The following SNTB1 variants were observed in gnomAD, a reference collection of about 807,000 sequenced individuals.
The protein encoded by SNTB1 is syntrophin beta 1, also known as beta-1-syntrophin.
In SNTB1, 36 loss-of-function variants were observed where a neutral mutation model predicts 48.9. The ratio of observed to expected loss-of-function variants is 0.74; its 90% CI spans 0.56 to 0.97. The LOEUF is 0.97. Ranked by LOEUF, SNTB1 falls within the 50% of genes least tolerant of loss-of-function variation. The pLI, the probability that SNTB1 is intolerant of heterozygous loss-of-function variation, is 0.00. For missense variants in SNTB1, 786 were observed against 703.4 expected, an observed-to-expected ratio of 1.12 and a Z score of -1.33; for synonymous variants, 299 against 294.6, an observed-to-expected ratio of 1.01 and a Z score of -0.15.
chr8:120,703,888 G>A (rs1035334172), intron 1 of SNTB1, among the ~76,000 whole-genome samples: 1 of 152,178 alleles, frequency 6.6e-6, no homozygotes, highest in Non-Finnish European at 1.5e-5. Context: ...TCATTAGGGA[G>A]CAATTCTATG....
intron 1 of SNTB1, among the ~76,000 whole-genome samples, chr8:120,796,799 T>G (rs1277918598): frequency 6.6e-6 from 1 of 152,086 alleles, no homozygotes; most frequent in Non-Finnish European, 1.5e-5. Context: ...TCTATGTGTA[T>G]AGCATTTCTA....
chr8:120,649,751 C>T (rs909757080), intron 2 of SNTB1, among the ~76,000 whole-genome samples: 43 of 152,268 alleles, frequency 2.8e-4, no homozygotes, highest in Admixed American at 2.4e-3. Flanking sequence ...CAATGGCGGG[C>T]GCCCCTCCCC....
intron 2 of SNTB1, chr8:120,637,761 C>G: frequency 2.6e-6 from 1 of 390,100 alleles, no homozygotes; most frequent in Non-Finnish European, 5.0e-6. Flanking sequence ...ATAAGACATT[C>G]TGTAATGTTT....
intron 2 of SNTB1, among the ~76,000 whole-genome samples, chr8:120,667,580 G>T (rs1411473239): frequency 6.6e-6 from 1 of 152,094 alleles, no homozygotes; most frequent in Non-Finnish European, 1.5e-5. Context: ...TGCCCAGGCT[G>T]GTGTTTGGCC....
At chr8:120,739,833 C>T (rs1051133738) in intron 1 of SNTB1, among the ~76,000 whole-genome samples, 2 of 152,140 alleles carry the variant, frequency 1.3e-5, no homozygotes, top group African/African-American at 4.8e-5. Context: ...GCCTTCTGCA[C>T]AGGTGGGGAA....
chr8:120,584,723 A>T (rs189428764), intron 3 of SNTB1, among the ~76,000 whole-genome samples: 61 of 152,186 alleles, frequency 4.0e-4, no homozygotes, highest in African/African-American at 1.3e-3. Context: ...CCTGATCTGG[A>T]AATAGGGTCG....
At chr8:120,638,069 T>G (rs2129657847) in intron 2 of SNTB1, 1 of 155,584 alleles carries the variant, frequency 6.4e-6, no homozygotes, top group South Asian at 2.0e-4. Context: ...TCATCTACAA[T>G]AATGTGGGGC....
Position 120,688,428 on chromosome 8 carries a change from T to C in SNTB1, c.788+5264A>G, listed in dbSNP as rs192964400. On this transcript the variant is annotated intron_variant, in intron 2 of 6. Transcript: ENST00000517992. ...AAAAGCGAGCAGATAAATATACTAT[T>C]TATCATTTATGAACGAAAATAGTTT... Among the ~76,000 whole-genome samples, 7 of 152,294 alleles carry C rather than the reference T, an allele frequency of 4.6e-5. No individual in the cohort carries two copies. The East Asian group carries it at 1.4e-3, about 29-fold the overall frequency.
intron 3 of SNTB1, among the ~76,000 whole-genome samples, chr8:120,616,138 AGTCGG>A (rs1816710095): frequency 6.6e-6 from 1 of 152,158 alleles, no homozygotes; most frequent in African/African-American, 2.4e-5. Flanking sequence ...CACATCTCCA[AGTCGG>A]TAATGATTCA....
At chr8:120,642,362 T>TA (rs1470996234) in intron 2 of SNTB1, among the ~76,000 whole-genome samples, 1 of 152,192 alleles carries the variant, frequency 6.6e-6, no homozygotes, top group Non-Finnish European at 1.5e-5. Context: ...ATCATTCAGT[T>TA]AAATATAAAT....
At chr8:120,745,940 T>C (rs1819118223) in intron 1 of SNTB1, among the ~76,000 whole-genome samples, 1 of 152,212 alleles carries the variant, frequency 6.6e-6, no homozygotes, top group African/African-American at 2.4e-5. Context: ...TTACAGACCA[T>C]GCCCAAGGGT....
chr8:120,551,606 A>G (rs1239346622), intron 4 of SNTB1, among the ~76,000 whole-genome samples: 1 of 151,640 alleles, frequency 6.6e-6, no homozygotes, highest in Admixed American at 6.6e-5. Flanking sequence ...TGTGCCTGTA[A>G]TCCCAGCTAC....
intron 1 of SNTB1, among the ~76,000 whole-genome samples, chr8:120,787,791 T>A (rs1357004785): frequency 6.6e-6 from 1 of 152,136 alleles, no homozygotes; most frequent in Non-Finnish European, 1.5e-5. Flanking sequence ...AGCAAAAAGT[T>A]TGGGAAACCT....
At chr8:120,551,708 A>G (rs1815483186) in intron 4 of SNTB1, among the ~76,000 whole-genome samples, 1 of 142,506 alleles carries the variant, frequency 7.0e-6, no homozygotes, top group Admixed American at 7.1e-5. Context: ...CCTGAGCGAC[A>G]GAGTGAGACT....
chr8:120,769,460 A>T (rs1819581570), intron 1 of SNTB1: 1 of 152,068 alleles, frequency 6.6e-6, no homozygotes, highest in African/African-American at 2.4e-5. Flanking sequence ...GGCAGAAATG[A>T]TGTTGCTCCA....
At chr8:120,674,166 ATC>A (rs888634333) in intron 2 of SNTB1, among the ~76,000 whole-genome samples, 2 of 152,204 alleles carry the variant, frequency 1.3e-5, no homozygotes, top group African/African-American at 2.4e-5. Flanking sequence ...AATTCTAAAC[ATC>A]TGTTTGACCT....
At chr8:120,580,245 T>C (rs1189806882) in intron 3 of SNTB1, among the ~76,000 whole-genome samples, 1 of 152,192 alleles carries the variant, frequency 6.6e-6, no homozygotes, top group South Asian at 2.1e-4. Context: ...ACTTTCCACC[T>C]TCTACTTGAG....
intron 3 of SNTB1, among the ~76,000 whole-genome samples, chr8:120,584,996 C>T (rs1047577109): frequency 6.6e-5 from 10 of 152,072 alleles, no homozygotes; most frequent in African/African-American, 2.2e-4. Flanking sequence ...CAGAAGGAAC[C>T]AATCCAGCTG....
chr8:120,792,705 G>A (rs892788988), intron 1 of SNTB1, among the ~76,000 whole-genome samples: 1 of 151,914 alleles, frequency 6.6e-6, no homozygotes, highest in Non-Finnish European at 1.5e-5. Flanking sequence ...TAAAATTGTA[G>A]CAAGTTTTGA....
Sources: gnomAD v4.1 joint callset for allele counts (sites outside exome capture counted in the v4.1 genomes callset) on GRCh38, gnomAD v4.1.1 for gene constraint, MANE v1.5 for transcripts, NCBI Gene and HGNC (gene_info 2026-07-23, HGNC 2026-07-21) for gene names.